ACTA2: variants seen among roughly 807,000 people sequenced by gnomAD.
ACTA2 encodes actin, aortic smooth muscle.
A neutral mutation model predicts 39.5 loss-of-function variants in ACTA2; 12 were observed. That is an observed-to-expected ratio of 0.30 (90% CI 0.19 to 0.49). The LOEUF (loss-of-function observed/expected upper bound fraction) is 0.49. Ranked by LOEUF, ACTA2 falls within the 20% of genes least tolerant of loss-of-function variation. The probability of loss-of-function intolerance (pLI) is 0.99; values close to 1 mark genes in which losing one functional copy is unlikely to be tolerated. For missense variants in ACTA2, 236 were observed against 498.8 expected (o/e 0.47, Z 5.02); for synonymous variants, 158 against 180.6 (o/e 0.88, Z 1.00).
upstream of ACTA2, among the ~76,000 whole-genome samples, chr10:88,956,524 T>C (rs927236053): frequency 6.6e-6 from 1 of 152,196 alleles, no homozygotes; most frequent in Non-Finnish European, 1.5e-5. Context: ...TTTAATCATA[T>C]CTGCAAAGTC....
chr10:88,990,848 C>T lies in ACTA2; in HGVS notation c.-24+91G>A. On this transcript the variant is annotated intron_variant, in intron 1 of 4. Transcript: ENST00000415557. The surrounding 1 kb of genome is among the most constrained non-coding windows in gnomAD (Gnocchi z 4.9). ...CGCTCAGTACGGAGTTGGGGAAGCT[C>T]TTTCACTTCGGAGGATTGCTCAACA... 2 of 1,614,234 alleles carry T rather than the reference C, an allele frequency of 1.2e-6. No individual in the cohort carries two copies. The highest frequency in any genetic ancestry group is 1.7e-6 in the Non-Finnish European group (2 of 1,180,034).
upstream of ACTA2, among the ~76,000 whole-genome samples, chr10:88,953,757 G>T (rs895653451): frequency 6.6e-6 from 1 of 152,150 alleles, no homozygotes; most frequent in Non-Finnish European, 1.5e-5. Context: ...TCTCATGAAA[G>T]TGAGTGAGTT....
chr10:88,954,546 C>G (rs73364893), upstream of ACTA2, among the ~76,000 whole-genome samples: 5,784 of 152,190 alleles, frequency 0.038, 342 homozygotes, highest in African/African-American at 0.13. Context: ...TTTTGACTCA[C>G]GCAGTGTCTG....
chr10:88,942,121 G>A (rs1285388109), intron 4 of ACTA2, among the ~76,000 whole-genome samples: 1 of 152,156 alleles, frequency 6.6e-6, no homozygotes, highest in Non-Finnish European at 1.5e-5. Context: ...GTTTGGCCAG[G>A]GGAAAGGAAA....
At chr10:88,962,776 T>C (rs1183964299) in intron 1 of ACTA2, among the ~76,000 whole-genome samples, 2 of 151,478 alleles carry the variant, frequency 1.3e-5, no homozygotes, top group African/African-American at 4.8e-5. Flanking sequence ...CTGGGTAACT[T>C]ATAAAGGAAA....
At chr10:88,954,450 T>C (rs1846101274), upstream of ACTA2, among the ~76,000 whole-genome samples, 1 of 152,182 alleles carries the variant, frequency 6.6e-6, no homozygotes, top group Non-Finnish European at 1.5e-5. Flanking sequence ...TTAATTTTCA[T>C]CACAGGAATC....
intron 1 of ACTA2, among the ~76,000 whole-genome samples, chr10:88,960,367 T>C (rs1816791339): frequency 6.6e-6 from 1 of 152,202 alleles, no homozygotes; most frequent in East Asian, 1.9e-4. Context: ...GCTAGACTTC[T>C]GTGAAGACTA....
At chr10:88,962,836 A>G (rs912446434) in intron 1 of ACTA2, among the ~76,000 whole-genome samples, 6 of 149,712 alleles carry the variant, frequency 4.0e-5, no homozygotes, top group Admixed American at 2.0e-4. Flanking sequence ...CCTCACAATC[A>G]TGGTGGAAGG....
chr10:88,970,895 G>GTATA (rs1462787126), intron 1 of ACTA2, among the ~76,000 whole-genome samples: 25 of 144,106 alleles, frequency 1.7e-4, no homozygotes, highest in Middle Eastern at 3.5e-3. Context: ...GTGTGTGTGT[G>GTATA]TGTATATATA....
upstream of ACTA2, among the ~76,000 whole-genome samples, chr10:88,956,999 C>G (rs77155129): frequency 0.09 from 13,648 of 152,224 alleles, 807 homozygotes; most frequent in East Asian, 0.3. Flanking sequence ...TTAAACACCT[C>G]CCATTAGGCC....
At chr10:88,977,604 T>G (rs1846598321) in intron 1 of ACTA2, among the ~76,000 whole-genome samples, 1 of 148,032 alleles carries the variant, frequency 6.8e-6, no homozygotes, top group African/African-American at 2.5e-5. Flanking sequence ...GAACAGACAC[T>G]TCTCAAAAGA....
At chr10:88,973,575 C>T (rs914671173) in intron 1 of ACTA2, 5 of 305,708 alleles carry the variant, frequency 1.6e-5, no homozygotes, top group African/African-American at 2.1e-5. Context: ...CTTCCCATTC[C>T]CCAAAAGCAT....
At chr10:88,989,260 T>G (rs1441950165) in intron 1 of ACTA2, among the ~76,000 whole-genome samples, 26 of 152,158 alleles carry the variant, frequency 1.7e-4, no homozygotes, top group Admixed American at 1.6e-3. Context: ...CCTTTCCCCT[T>G]TTTTTCTCTC....
chr10:88,953,640 C>A (rs922810047), upstream of ACTA2, among the ~76,000 whole-genome samples: 4 of 152,150 alleles, frequency 2.6e-5, no homozygotes. Flanking sequence ...TTTGGTTCTA[C>A]GTCCCCACCC....
In ACTA2 at chr10:88,975,940, TC is replaced by T. The variant is rs767568990; in HGVS notation, c.-24+14998del. The stretch of plus-strand genomic sequence containing the variant: ...AATAGAAGCCAAATTTCTTTCCTCT[TC>T]ATTTGGCTGACAAATTAATTGTCAC... On this transcript the variant is annotated intron_variant, in intron 1 of 4. Coordinates refer to the ACTA2 transcript ENST00000415557. Among the ~76,000 whole-genome samples the T allele has an allele frequency of 5.3e-5, 8 of 152,208 alleles. No homozygotes were observed. The East Asian group carries it at 1.5e-3, about 29-fold the overall frequency.
At chr10:88,936,727 C>T (rs1002040969) in intron 8 of ACTA2, among the ~76,000 whole-genome samples, 4 of 152,120 alleles carry the variant, frequency 2.6e-5, no homozygotes, top group Non-Finnish European at 4.4e-5. Context: ...GCCAGTTAAA[C>T]CTCTTTTCTT....
chr10:88,980,476 G>A (rs1846684034), intron 1 of ACTA2, among the ~76,000 whole-genome samples: 1 of 152,214 alleles, frequency 6.6e-6, no homozygotes, highest in Admixed American at 6.5e-5. Context: ...CAGGCAAAGA[G>A]AGGCCAGGCC....
At position 88,984,985 on chromosome 10, in the gene ACTA2, A is replaced by G. The variant is rs1018590324; in HGVS notation, c.-24+5954T>C. On this transcript the variant is annotated intron_variant, in intron 1 of 4. Transcript: ENST00000415557. Reference sequence around the variant, plus strand: ...GAGGAGGAAAGCAGTATAGGTAAATAAAATGACATTTAGTTGGTAATATAG... The same window carrying G: ...GAGGAGGAAAGCAGTATAGGTAAATGAAATGACATTTAGTTGGTAATATAG... Among the ~76,000 whole-genome samples, 4 of 152,254 alleles carry G rather than the reference A, an allele frequency of 2.6e-5. No homozygotes were observed. In the East Asian group the frequency reaches 7.7e-4, roughly 29 times the overall value.
At chr10:88,973,138 C>T (rs770927434) in intron 1 of ACTA2, 5 of 1,538,286 alleles carry the variant, frequency 3.3e-6, no homozygotes, top group South Asian at 1.3e-5. Flanking sequence ...CTGGGCCTTG[C>T]CTCCCAATCC....
Sources: gnomAD v4.1 joint callset for allele counts (sites outside exome capture counted in the v4.1 genomes callset) on GRCh38, gnomAD v4.1.1 for gene constraint, Gnocchi (gnomAD v3.1) non-coding constraint, MANE v1.5 for transcripts, NCBI Gene and HGNC (gene_info 2026-07-23, HGNC 2026-07-21) for gene names.